Variants in PLCH1 observed in about 807,000 individuals in gnomAD.
PLCH1 encodes the protein phospholipase C eta 1.
Under a neutral mutation model 126.7 loss-of-function variants are expected in PLCH1, and 60 were observed. The observed-to-expected ratio is 0.47, with a 90% CI of 0.38 to 0.59. The LOEUF is 0.59. Ranked by LOEUF, PLCH1 falls within the 20% of genes least tolerant of loss-of-function variation. PLCH1 has a pLI of 0.00. For synonymous variants in PLCH1, 719 were observed against 734.9 expected, an observed-to-expected ratio of 0.98 and a Z score of 0.35; for missense variants, 1,723 against 2,040.0, an observed-to-expected ratio of 0.84 and a Z score of 2.99.
At chr3:155,622,132 C>A (rs987001265) in intron 2 of PLCH1, among the ~76,000 whole-genome samples, 1 of 152,186 alleles carries the variant, frequency 6.6e-6, no homozygotes, top group African/African-American at 2.4e-5. Context: ...AAAGAATTTT[C>A]AATCCAGAAT....
chr3:155,581,799 T>G (rs1293875914), intron 6 of PLCH1, among the ~76,000 whole-genome samples: 9 of 150,798 alleles, frequency 6.0e-5, no homozygotes, highest in Non-Finnish European at 1.3e-4. Flanking sequence ...CAGGCTGCAG[T>G]GCAATGACGC....
intron 2 of PLCH1, among the ~76,000 whole-genome samples, chr3:155,614,051 G>C (rs1254088425): frequency 2.6e-5 from 4 of 152,016 alleles, no homozygotes; most frequent in African/African-American, 7.2e-5. Context: ...TTTTACAATA[G>C]CTGAAAATAA....
chr3:155,670,948 C>T (rs1192169774), intron 2 of PLCH1, among the ~76,000 whole-genome samples: 1 of 152,154 alleles, frequency 6.6e-6, no homozygotes, highest in African/African-American at 2.4e-5. Flanking sequence ...ATCAGGCCAA[C>T]CTGTCGGCTG....
intron 3 of PLCH1, among the ~76,000 whole-genome samples, chr3:155,595,371 A>G (rs114884309): frequency 0.011 from 1,647 of 152,328 alleles, 31 homozygotes; most frequent in African/African-American, 0.038. Context: ...ATTTATATAC[A>G]CCATCTACCC....
intron 2 of PLCH1, among the ~76,000 whole-genome samples, chr3:155,671,352 A>T (rs1022883024): frequency 2.6e-5 from 4 of 152,214 alleles, no homozygotes; most frequent in African/African-American, 9.6e-5. Flanking sequence ...AAAACTATAG[A>T]ATCTGTCCTT....
At chr3:155,526,463 TTTCTC>T (rs1721939725) in intron 10 of PLCH1, among the ~76,000 whole-genome samples, 1 of 141,138 alleles carries the variant, frequency 7.1e-6, no homozygotes, top group Non-Finnish European at 1.5e-5. Flanking sequence ...CTCTTCTCTC[TTTCTC>T]TCTTCTTTCT....
chr3:155,460,439 T>C (rs1470741588), intron 21 of PLCH1, among the ~76,000 whole-genome samples: 1 of 152,182 alleles, frequency 6.6e-6, no homozygotes, highest in East Asian at 1.9e-4. Flanking sequence ...AAGTCCATCT[T>C]ACAATGGGTC....
intron 3 of PLCH1, among the ~76,000 whole-genome samples, chr3:155,595,719 T>C (rs1732895972): frequency 6.6e-6 from 1 of 152,178 alleles, no homozygotes; most frequent in Non-Finnish European, 1.5e-5. Context: ...TATGTATCTA[T>C]CTATCTATCT....
At position 155,568,219 on chromosome 3, in the gene PLCH1, T is replaced by C; in HGVS notation, c.865+12A>G. The C allele has an allele frequency of 8.9e-7, 1 of 1,117,496 alleles. No individual in the cohort carries two copies. Among genetic ancestry groups the C allele is most frequent in the Non-Finnish European group, 1.4e-6 (1 of 739,448 alleles). 69.2% of individuals were successfully genotyped at this position (1,117,496 alleles called of 1,614,324 possible). ...TCAAGAAATGAGAAATAAAGAATAT[T>C]GGTTATTTTACCTTCTATGCCAAGA... On this transcript the variant is annotated intron_variant, in intron 7 of 22. Coordinates refer to ENST00000460012, the MANE Select transcript of PLCH1 (RefSeq NM_014996.4).
intron 2 of PLCH1, among the ~76,000 whole-genome samples, chr3:155,605,178 T>G (rs776116794): frequency 3.4e-4 from 52 of 152,242 alleles, no homozygotes; most frequent in Non-Finnish European, 6.3e-4. Flanking sequence ...CTCCACCACG[T>G]GGAGGGTGGG....
At chr3:155,631,964 G>A (rs1519531) in intron 2 of PLCH1, among the ~76,000 whole-genome samples, 44,503 of 150,238 alleles carry the variant, frequency 0.3, 7,162 homozygotes, top group East Asian at 0.44. Context: ...GTCAAGATTG[G>A]TTTAACTGAA....
chr3:155,734,640 C>A (rs981525117), intron 1 of PLCH1, among the ~76,000 whole-genome samples: 1 of 151,926 alleles, frequency 6.6e-6, no homozygotes, highest in African/African-American at 2.4e-5. Context: ...ACCTAAGTGT[C>A]CATCAGTAGA....
chr3:155,488,863 T>C, intron 19 of PLCH1, 57 bp from the exon 20 acceptor site: 1 of 1,495,126 alleles, frequency 6.7e-7, no homozygotes, highest in Non-Finnish European at 9.1e-7. Flanking sequence ...TGAAAATGAG[T>C]TGGCAGCAAC....
intron 6 of PLCH1, among the ~76,000 whole-genome samples, chr3:155,569,646 T>C (rs1268048342): frequency 6.6e-6 from 1 of 152,190 alleles, no homozygotes; most frequent in Non-Finnish European, 1.5e-5. Flanking sequence ...TGCTGTGAGC[T>C]AGAGAGATTT....
At position 155,482,681 on chromosome 3, in the gene PLCH1, C is replaced by T; in HGVS notation, c.3345G>A (p.Leu1115=). 3 of 1,614,194 alleles carry T rather than the reference C, an allele frequency of 1.9e-6. No individual in the cohort carries two copies. Among genetic ancestry groups the T allele is most frequent in the Non-Finnish European group, 2.5e-6 (3 of 1,180,038 alleles). Residue 1115 remains leucine, a synonymous_variant, in exon 23 of 23, where the codon TTG becomes TTA. Coordinates refer to ENST00000460012, the MANE Select transcript of PLCH1 (RefSeq NM_014996.4). ...TGCTATGAGAAAGGACGCTTCCTGA[C>T]AAGATGCTTTTCCCTTCCACAAAGT... is the stretch of plus-strand genomic sequence containing the variant. ...PEDFVEGKSI[L]SGSVLSHSNL...
intron 2 of PLCH1, among the ~76,000 whole-genome samples, chr3:155,695,668 C>T: frequency 6.6e-6 from 1 of 152,212 alleles, no homozygotes; most frequent in Non-Finnish European, 1.5e-5. Flanking sequence ...AGTAATCACA[C>T]AATTAATTGT....
intron 2 of PLCH1, among the ~76,000 whole-genome samples, chr3:155,600,611 A>T (rs931242357): frequency 6.9e-5 from 10 of 145,894 alleles, no homozygotes; most frequent in Non-Finnish European, 1.0e-4. Context: ...CTAAAAAAAA[A>T]AAAAAAAAAG....
intron 2 of PLCH1, among the ~76,000 whole-genome samples, chr3:155,652,284 C>T (rs965244027): frequency 4.6e-5 from 7 of 152,156 alleles, no homozygotes; most frequent in Admixed American, 4.6e-4. Context: ...CATTTTGTAG[C>T]TTGCACTGTA....
intron 2 of PLCH1, among the ~76,000 whole-genome samples, chr3:155,639,842 T>A (rs1259671517): frequency 1.3e-5 from 2 of 152,068 alleles, no homozygotes; most frequent in African/African-American, 4.8e-5. Flanking sequence ...GGGGTGGATA[T>A]CCCCCCCTGC....
Sources: gnomAD v4.1 joint callset for allele counts (sites outside exome capture counted in the v4.1 genomes callset) on GRCh38, gnomAD v4.1.1 for gene constraint, MANE v1.5 for transcripts, NCBI Gene and HGNC (gene_info 2026-07-23, HGNC 2026-07-21) for gene names.